The following SH3D19 variants were observed in gnomAD, a reference collection of about 807,000 sequenced individuals.
The protein encoded by SH3D19 is SH3 domain-containing protein 19.
A neutral mutation model predicts 112.1 loss-of-function variants in SH3D19; 58 were observed. The observed-to-expected ratio is 0.52, with a 90% CI of 0.42 to 0.64. SH3D19 has a LOEUF of 0.64. Among genes scored for constraint, SH3D19 ranks in the 30% least tolerant of loss-of-function variants. The probability of loss-of-function intolerance (pLI) is 0.00; values close to 1 mark genes in which losing one functional copy is unlikely to be tolerated. For synonymous variants in SH3D19, 391 were observed against 448.5 expected, an observed-to-expected ratio of 0.87 and a Z score of 1.62; for missense variants, 1,090 against 1,263.4, an observed-to-expected ratio of 0.86 and a Z score of 2.08.
At chr4:151,204,737 T>C (rs57967134) in intron 2 of SH3D19, among the ~76,000 whole-genome samples, 2,324 of 152,288 alleles carry the variant, frequency 0.015, 59 homozygotes, top group African/African-American at 0.053. Flanking sequence ...AACAAATCTA[T>C]GGGAAACTCA....
intron 1 of SH3D19, among the ~76,000 whole-genome samples, chr4:151,239,328 T>C (rs2149965810): frequency 6.6e-6 from 1 of 152,318 alleles, no homozygotes; most frequent in East Asian, 1.9e-4. Context: ...CATAAGTGTC[T>C]GTTGTCGAAT....
chr4:151,272,614 T>G (rs1452938804), intron 1 of SH3D19, among the ~76,000 whole-genome samples: 1 of 152,220 alleles, frequency 6.6e-6, no homozygotes, highest in Non-Finnish European at 1.5e-5. Context: ...CAACATGGAC[T>G]TACAACAGTA....
chr4:151,244,092 C>T (rs1275622369), intron 1 of SH3D19, among the ~76,000 whole-genome samples: 1 of 151,938 alleles, frequency 6.6e-6, no homozygotes, highest in Non-Finnish European at 1.5e-5. Context: ...GGCTATTAGC[C>T]CCTGAATTTA....
chr4:151,145,835 T>G (rs749295744), intron 11 of SH3D19, among the ~76,000 whole-genome samples: 1 of 152,222 alleles, frequency 6.6e-6, no homozygotes, highest in Non-Finnish European at 1.5e-5. Flanking sequence ...ACCCTGGGCA[T>G]GTTACTTTAT....
chr4:151,172,272 C>A (rs1373288015), intron 7 of SH3D19, among the ~76,000 whole-genome samples: 1 of 152,102 alleles, frequency 6.6e-6, no homozygotes, highest in African/African-American at 2.4e-5. Context: ...AACAAAAATC[C>A]CTCCACAGGT....
At chr4:151,161,157 C>T (rs918756179) in intron 8 of SH3D19, among the ~76,000 whole-genome samples, 4 of 151,926 alleles carry the variant, frequency 2.6e-5, no homozygotes, top group Non-Finnish European at 5.9e-5. Context: ...CAGGGAAGGT[C>T]TCTGAGAAAA....
chr4:151,240,040 G>A (rs1428626200), intron 1 of SH3D19, among the ~76,000 whole-genome samples: 1 of 152,130 alleles, frequency 6.6e-6, no homozygotes, highest in Non-Finnish European at 1.5e-5. Flanking sequence ...TGAGGCAGGA[G>A]GATTGCTTGA....
At position 151,167,674 on chromosome 4, in the gene SH3D19, GTC is replaced by G. The variant is rs1369812570; in HGVS notation, c.1535-1980_1535-1979del. On this transcript the variant is annotated intron_variant, in intron 7 of 19. Transcript: ENST00000604030. ...CCGCCCTGTCTGGGACGTGAGGAGT[GTC>G]TCTGCCCGACCGCCGCCCCATCTGG... Among the ~76,000 whole-genome samples the G allele has an allele frequency of 3.3e-5, 5 of 152,292 alleles. No homozygotes were observed. The East Asian group carries it at 7.7e-4, about 24-fold the overall frequency.
intron 8 of SH3D19, among the ~76,000 whole-genome samples, chr4:151,161,981 A>G (rs1225730731): frequency 6.6e-6 from 1 of 151,626 alleles, no homozygotes; most frequent in Admixed American, 6.6e-5. Context: ...ATTTTTTAAA[A>G]GAATATTTTT....
chr4:151,160,024 GCTT>G (rs1756855701), intron 8 of SH3D19, among the ~76,000 whole-genome samples: 1 of 149,402 alleles, frequency 6.7e-6, no homozygotes, highest in South Asian at 2.1e-4. Context: ...AAGGCATGCT[GCTT>G]CTTAATAGGT....
intron 2 of SH3D19, among the ~76,000 whole-genome samples, chr4:151,206,494 T>A (rs1765132134): frequency 6.6e-6 from 1 of 152,196 alleles, no homozygotes; most frequent in South Asian, 2.1e-4. Flanking sequence ...TACTGTAAAG[T>A]ACTACCCTAC....
intron 1 of SH3D19, among the ~76,000 whole-genome samples, chr4:151,275,051 T>C (rs548325431): frequency 8.5e-5 from 13 of 152,052 alleles, no homozygotes; most frequent in Non-Finnish European, 1.8e-4. Flanking sequence ...AATATTGTCA[T>C]ACTCTGAAGT....
intron 12 of SH3D19, 111 bp from the exon 13 acceptor site, chr4:151,139,958 CATTAT>C (rs1467703108): frequency 2.8e-5 from 22 of 792,044 alleles, no homozygotes; most frequent in Middle Eastern, 2.3e-4. Flanking sequence ...GACACAATTA[CATTAT>C]GAGTACATGA....
rs557050445 is a variant in SH3D19, at chr4:151,133,225, C to A, written c.2498G>T (p.Cys833Phe). Reference protein sequence around the residue: ...VSSHCVKGSRCVARFEYIGEQ... With the variant: ...VSSHCVKGSRFVARFEYIGEQ... Reference sequence around the variant, plus strand: ...TCCAATATATTCAAACCGAGCAACACATCTTGAGCCTCTGAATGAAGAACA... The same window carrying A: ...TCCAATATATTCAAACCGAGCAACAAATCTTGAGCCTCTGAATGAAGAACA... Residue 833 changes from cysteine to phenylalanine, a missense_variant, in exon 16 of 20, where the codon TGT becomes TTT. Transcript: ENST00000604030. 1 of 1,614,090 alleles carries A rather than the reference C, an allele frequency of 6.2e-7. No individual in the cohort carries two copies. Among genetic ancestry groups the A allele is most frequent in the South Asian group, 1.1e-5 (1 of 91,064 alleles).
chr4:151,237,287 C>T (rs935139458), intron 1 of SH3D19, among the ~76,000 whole-genome samples: 2 of 152,174 alleles, frequency 1.3e-5, no homozygotes, highest in African/African-American at 4.8e-5. Context: ...GGTCACAAAC[C>T]TTTTAAGATC....
At position 151,121,435 on chromosome 4, in the gene SH3D19, CT is replaced by C. The variant is rs1747958882; in HGVS notation, c.*655del. 1 of 152,078 alleles carries C rather than the reference CT, an allele frequency of 6.6e-6. No homozygotes were observed. Among genetic ancestry groups the C allele is most frequent in the African/African-American group, 2.4e-5 (1 of 41,228 alleles). The allele number at this position is 152,078 out of a possible 1,614,324, so 9.4% of individuals were successfully genotyped here. ...TCAGGGATGGTTTTGGTTCTTTAGA[CT>C]AAGTAAGATACATCCAATTTAGACC... On this transcript the variant is annotated 3_prime_UTR_variant, in exon 20 of 20. Coordinates refer to ENST00000604030, the MANE Select transcript of SH3D19 (RefSeq NM_001378122.1).
chr4:151,134,534 T>G (rs1346506824), intron 15 of SH3D19, among the ~76,000 whole-genome samples: 2 of 152,214 alleles, frequency 1.3e-5, no homozygotes, highest in Non-Finnish European at 2.9e-5. Flanking sequence ...TAATTATTTC[T>G]CATGACAAAA....
At chr4:151,155,602 G>A (rs969801023) in intron 9 of SH3D19, among the ~76,000 whole-genome samples, 2 of 152,022 alleles carry the variant, frequency 1.3e-5, no homozygotes, top group African/African-American at 4.8e-5. Flanking sequence ...AAAAACGACT[G>A]GGGTCTGGCG....
chr4:151,181,985 G>T (rs913203650), intron 3 of SH3D19, among the ~76,000 whole-genome samples: 4 of 145,304 alleles, frequency 2.8e-5, no homozygotes, highest in South Asian at 4.4e-4. Flanking sequence ...CGCTTGTAGG[G>T]TTTTTTTTTT....
Sources: gnomAD v4.1 joint callset for allele counts (sites outside exome capture counted in the v4.1 genomes callset) on GRCh38, gnomAD v4.1.1 for gene constraint, MANE v1.5 for transcripts, NCBI Gene and HGNC (gene_info 2026-07-23, HGNC 2026-07-21) for gene names.